The following SEMA3F variants were observed in gnomAD, a reference collection of about 807,000 sequenced individuals.
SEMA3F encodes semaphorin 3F, also known as semaphorin-3F.
A neutral mutation model predicts 98.5 loss-of-function variants in SEMA3F; 30 were observed. The ratio of observed to expected loss-of-function variants is 0.30; its 90% confidence interval spans 0.23 to 0.41. SEMA3F has a LOEUF of 0.41. SEMA3F is among the 10% of genes least tolerant of loss of function. SEMA3F has a pLI of 1.00. For synonymous variants in SEMA3F, 380 were observed against 444.8 expected (o/e 0.85, Z 1.83); for missense variants, 866 against 1,119.3 (o/e 0.77, Z 3.23).
chr3:50,157,292 C>A (rs935662532), intron 1 of SEMA3F, among the ~76,000 whole-genome samples: 1 of 152,074 alleles, frequency 6.6e-6, no homozygotes, highest in African/African-American at 2.4e-5. Flanking sequence ...TTGCCAGCCC[C>A]GGCTCCTCGT....
intron 2 of SEMA3F, among the ~76,000 whole-genome samples, chr3:50,160,983 C>G (rs1439141638): frequency 6.6e-6 from 1 of 152,186 alleles, no homozygotes; most frequent in African/African-American, 2.4e-5. Flanking sequence ...AAGCACCCCC[C>G]TTCCCCGGGC....
chr3:50,183,565 G>A lies in SEMA3F; in HGVS notation c.1233+1G>A. ...GATGCCCTACCCACGGCCGGGCACG[G>A]TAAGGACCCCACTCATCCTGCCTCT... On this transcript the variant is annotated splice_donor_variant, in intron 12 of 18. Coordinates refer to ENST00000002829, the MANE Select transcript of SEMA3F (RefSeq NM_004186.5). LOFTEE classifies it high-confidence loss of function. The A allele has an allele frequency of 6.2e-7, 1 of 1,613,756 alleles. No individual in the cohort carries two copies. The highest frequency in any genetic ancestry group is 8.5e-7 in the Non-Finnish European group (1 of 1,179,902).
At chr3:50,159,389 A>G (rs1698118924) in intron 1 of SEMA3F, 186 bp from the exon 2 acceptor site, 5 of 492,608 alleles carry the variant, frequency 1.0e-5, no homozygotes, top group African/African-American at 2.0e-5. Context: ...GCTGGGGCCT[A>G]TTGGTACTAT....
chr3:50,168,551 G>C (rs1299994565), intron 2 of SEMA3F, among the ~76,000 whole-genome samples: 2 of 152,072 alleles, frequency 1.3e-5, no homozygotes, highest in Non-Finnish European at 2.9e-5. Flanking sequence ...GGGCCTCCCT[G>C]CCCCCCCGCT....
At chr3:50,155,114 G>A, upstream of SEMA3F, 2 of 416,662 alleles carry the variant, frequency 4.8e-6, no homozygotes, top group African/African-American at 2.1e-5. The surrounding 1 kb of genome is among the most constrained non-coding windows in gnomAD (Gnocchi z 4.9). Flanking sequence ...AACCGCGGCG[G>A]TCCGGAGAGC....
rs1266101141 is a variant in SEMA3F, at chr3:50,186,286, G to A, written c.1751G>A (p.Ser584Asn). The change falls in exon 17 of 19, where the codon AGC (serine) becomes AAC (asparagine). Residue 584 changes from serine (S) to asparagine (N), a missense_variant. Coordinates refer to ENST00000002829, the MANE Select transcript of SEMA3F (RefSeq NM_004186.5). ...CAGGGGCTATCCTCATCCAGGCGGA[G>A]CCGCCGGCAGGACGTCCGGCACGGA... Reference protein sequence around the residue: ...SRYTASSKRRSRRQDVRHGNP... With the variant: ...SRYTASSKRRNRRQDVRHGNP... 1 of 1,613,556 alleles carries A rather than the reference G, an allele frequency of 6.2e-7. No homozygotes were observed. Among genetic ancestry groups the A allele is most frequent in the East Asian group, 2.2e-5 (1 of 44,896 alleles).
rs869246249 is a variant in SEMA3F at position 50,185,889 on chromosome 3, CA to C, written c.1590del (p.Gln530HisfsTer14). ...VKTMTISSKR[Q>X]QLYVASAVGV... ...GACAAGGCCCTACCCTTTGCCCCAG[CA>C]ACAACTCTACGTGGCGTCAGCCGTG... On this transcript the variant is annotated frameshift_variant and splice_region_variant, in exon 16 of 19. Transcript: ENST00000002829. LOFTEE classifies it high-confidence loss of function. 1 of 1,610,152 alleles carries C rather than the reference CA, an allele frequency of 6.2e-7. No individual in the cohort carries two copies. The highest frequency in any genetic ancestry group is 8.5e-7 in the Non-Finnish European group (1 of 1,177,284).
Position 50,159,607 on chromosome 3 carries a change from C to T in SEMA3F, c.-16C>T. 1 of 1,539,448 alleles carries T rather than the reference C, an allele frequency of 6.5e-7. No homozygotes were observed. The highest frequency in any genetic ancestry group is 1.1e-5 in the South Asian group (1 of 88,184). ...GAGAGTGGAGCCTGCTTCCTGGGCC[C>T]TAGGCCCCTCCCACAATGCTTGTCG... On this transcript the variant is annotated 5_prime_UTR_variant, in exon 2 of 19. Transcript: ENST00000002829.
intron 6 of SEMA3F, among the ~76,000 whole-genome samples, chr3:50,176,211 A>G: frequency 6.6e-6 from 1 of 152,146 alleles, no homozygotes; most frequent in East Asian, 1.9e-4. Context: ...GAGAAAGGTC[A>G]TGGCCCATTG....
At position 50,182,463 on chromosome 3, in the gene SEMA3F, G is replaced by A. The variant is rs969620170; in HGVS notation, c.763+60G>A. ...GTGTCTGGGATGCGGCAAGGAGGTC[G>A]TAAAGAAGCACATGTGGGGGAAGTG... On this transcript the variant is annotated intron_variant, in intron 8 of 18. Transcript: ENST00000002829. This position sits in a 1 kb window ranked among gnomAD's most constrained non-coding sequence, Gnocchi z 4.5. 13 of 1,606,382 alleles carry A rather than the reference G, an allele frequency of 8.1e-6. No individual in the cohort carries two copies. Among genetic ancestry groups the A allele is most frequent in the African/African-American group, 4.0e-5 (3 of 74,888 alleles).
chr3:50,171,213 C>T (rs551775319), intron 2 of SEMA3F, among the ~76,000 whole-genome samples: 1 of 152,304 alleles, frequency 6.6e-6, no homozygotes, highest in South Asian at 2.1e-4. Flanking sequence ...AATCCTCTGC[C>T]CCTAAGCTGG....
At chr3:50,178,012 C>T (rs1427588686) in intron 7 of SEMA3F, among the ~76,000 whole-genome samples, 2 of 152,126 alleles carry the variant, frequency 1.3e-5, no homozygotes, top group East Asian at 1.9e-4. Context: ...GAGACGGAGG[C>T]GGGCGGATCA....
intron 7 of SEMA3F, among the ~76,000 whole-genome samples, chr3:50,178,128 G>C (rs917442943): frequency 6.6e-6 from 1 of 152,106 alleles, no homozygotes; most frequent in East Asian, 1.9e-4. Flanking sequence ...TGTAATCCCA[G>C]CTACTAGGGA....
chr3:50,172,802 C>T (rs1698663713), intron 2 of SEMA3F, among the ~76,000 whole-genome samples: 1 of 152,278 alleles, frequency 6.6e-6, no homozygotes, highest in South Asian at 2.1e-4. Flanking sequence ...TGCCCTCTGC[C>T]TGGTGGGCAG....
At chr3:50,157,125 G>A (rs1360733056) in intron 1 of SEMA3F, among the ~76,000 whole-genome samples, 1 of 151,706 alleles carries the variant, frequency 6.6e-6, no homozygotes, top group Non-Finnish European at 1.5e-5. Context: ...CAGCTCGGAG[G>A]AGCCAACCTC....
intron 2 of SEMA3F, among the ~76,000 whole-genome samples, chr3:50,160,489 G>A (rs1698164436): frequency 6.6e-6 from 1 of 152,216 alleles, no homozygotes; most frequent in Non-Finnish European, 1.5e-5. Context: ...ACACATGGGT[G>A]TACAAATGGC....
At chr3:50,181,296 TTGTTTTTTTG>T (rs1212525241) in intron 7 of SEMA3F, among the ~76,000 whole-genome samples, 1 of 152,010 alleles carries the variant, frequency 6.6e-6, no homozygotes, top group Non-Finnish European at 1.5e-5. Context: ...TGCTCTTTTT[TTGTTTTTTTG>T]TGTTTTTTTT....
In SEMA3F at chr3:50,172,080, T is replaced by C. The variant is rs536534710; in HGVS notation, c.113-1713T>C. Among the ~76,000 whole-genome samples the C allele has an allele frequency of 3.9e-5, 6 of 152,274 alleles. No homozygotes were observed. In the South Asian group the frequency reaches 1.2e-3, roughly 32 times the overall value. Reference sequence around the variant, plus strand: ...TGTGTCTAGGGCCTCGGATCCCAGCTGTTCTCCCCCTCCAGGTGCCTTGGG... The same window carrying C: ...TGTGTCTAGGGCCTCGGATCCCAGCCGTTCTCCCCCTCCAGGTGCCTTGGG... On this transcript the variant is annotated intron_variant, in intron 2 of 18. Transcript: ENST00000002829.
At chr3:50,178,829 CTTTTT>C (rs1226887922) in intron 7 of SEMA3F, among the ~76,000 whole-genome samples, 1 of 75,152 alleles carries the variant, frequency 1.3e-5, no homozygotes, top group Admixed American at 1.7e-4. Context: ...AATTCTTTTT[CTTTTT>C]TTTTTTTTTT....
Sources: gnomAD v4.1 joint callset for allele counts (sites outside exome capture counted in the v4.1 genomes callset) on GRCh38, gnomAD v4.1.1 for gene constraint, Gnocchi (gnomAD v3.1) non-coding constraint, MANE v1.5 for transcripts, NCBI Gene and HGNC (gene_info 2026-07-23, HGNC 2026-07-21) for gene names.